Variants in THSD4 observed in about 807,000 individuals in gnomAD.
THSD4 encodes the protein thrombospondin type 1 domain containing 4.
THSD4 carries 69 observed loss-of-function variants against 119.0 expected under a neutral mutation model. The observed-to-expected ratio is 0.58, with a 90% CI of 0.48 to 0.71. The LOEUF (loss-of-function observed/expected upper bound fraction) is 0.71, where lower values mean the gene tolerates loss of function less well. Among genes scored for constraint, THSD4 ranks in the 30% least tolerant of loss-of-function variants. The pLI is 0.00. For missense variants in THSD4, 1,393 were observed against 1,391.1 expected (o/e 1.00, Z -0.02); for synonymous variants, 524 against 540.4 (o/e 0.97, Z 0.42).
intron 8 of THSD4, among the ~76,000 whole-genome samples, chr15:71,727,575 TATATATATATATACACACAC>T (rs1273113045): frequency 0.011 from 405 of 37,134 alleles, 1 homozygote; most frequent in African/African-American, 0.016. Flanking sequence ...TATATATATA[TATATATATATATACACACAC>T]ACACACACAC....
chr15:71,216,235 G>A (rs2140251206), intron 4 of THSD4, among the ~76,000 whole-genome samples: 1 of 152,354 alleles, frequency 6.6e-6, no homozygotes, highest in Middle Eastern at 3.4e-3. Flanking sequence ...AGTGTAAGAT[G>A]TGCTCTCTTT....
intron 7 of THSD4, among the ~76,000 whole-genome samples, chr15:71,557,356 T>C (rs1261969964): frequency 6.6e-6 from 1 of 152,176 alleles, no homozygotes; most frequent in African/African-American, 2.4e-5. Flanking sequence ...TTTCTATTTT[T>C]ATTAAATTAA....
chr15:71,133,500 G>C (rs750959503), intron 1 of THSD4, among the ~76,000 whole-genome samples: 1 of 152,176 alleles, frequency 6.6e-6, no homozygotes, highest in Non-Finnish European at 1.5e-5. Context: ...TGTTGTGAGG[G>C]AGGAAAGACA....
At chr15:71,520,361 T>C (rs553597286) in intron 7 of THSD4, among the ~76,000 whole-genome samples, 2 of 152,212 alleles carry the variant, frequency 1.3e-5, no homozygotes, top group African/African-American at 4.8e-5. Context: ...CTAGAGGAAG[T>C]TTCCCCATCA....
At chr15:71,314,457 C>G (rs921865319) in intron 6 of THSD4, among the ~76,000 whole-genome samples, 1 of 152,074 alleles carries the variant, frequency 6.6e-6, no homozygotes, top group Non-Finnish European at 1.5e-5. Context: ...CAGGTGCACA[C>G]TACCACGCGC....
chr15:71,771,290 C>A, intron 17 of THSD4, 82 bp downstream of exon 17: 23 of 1,539,746 alleles, frequency 1.5e-5, no homozygotes, highest in Non-Finnish European at 2.0e-5. Context: ...TAACAAGCCT[C>A]TTCTAGGTCT....
intron 6 of THSD4, among the ~76,000 whole-genome samples, chr15:71,336,218 G>C (rs193283260): frequency 1.3e-5 from 2 of 152,262 alleles, no homozygotes; most frequent in East Asian, 3.9e-4. Flanking sequence ...TCAACTTCTA[G>C]AATAAAAATG....
At chr15:71,663,105 A>G (rs1429872327) in intron 8 of THSD4, among the ~76,000 whole-genome samples, 1 of 152,110 alleles carries the variant, frequency 6.6e-6, no homozygotes, top group African/African-American at 2.4e-5. Context: ...TTTAAAAATC[A>G]GCCAGATGCG....
chr15:71,309,227 G>A (rs1209617239), intron 6 of THSD4, among the ~76,000 whole-genome samples: 3 of 152,146 alleles, frequency 2.0e-5, no homozygotes, highest in Non-Finnish European at 4.4e-5. Context: ...TAGGATTACA[G>A]GCATAAGACA....
chr15:71,406,745 T>A lies in THSD4; in HGVS notation c.1016-4942T>A, dbSNP rs554011573. Among the ~76,000 whole-genome samples, 930 of 151,456 alleles carry A rather than the reference T, an allele frequency of 6.1e-3. 7 individuals are homozygous for A. Among genetic ancestry groups the A allele is most frequent in the Admixed American group, 8.6e-3 (130 of 15,138 alleles). On this transcript the variant is annotated intron_variant, in intron 6 of 17. Coordinates refer to ENST00000261862, the MANE Select transcript of THSD4 (RefSeq NM_024817.3). ...CCCAGGCTGGAGTGCAGTGGCATGA[T>A]CTCGACTCACTGCAACCTCCGCCTC...
Position 71,389,142 on chromosome 15 carries a change from G to A in THSD4, c.1016-22545G>A, listed in dbSNP as rs574627087. On this transcript the variant is annotated intron_variant, in intron 6 of 17. Coordinates refer to ENST00000261862, the MANE Select transcript of THSD4 (RefSeq NM_024817.3). The stretch of plus-strand genomic sequence containing the variant: ...AAATTACCCAGTCTTTATCAGCAGC[G>A]TGAAAATGGATTAATCCACCATCTT... Among the ~76,000 whole-genome samples the A allele has an allele frequency of 8.0e-4, 122 of 152,206 alleles. 1 individual carries two copies. The highest frequency in any genetic ancestry group is 2.8e-3 in the African/African-American group (115 of 41,550).
chr15:71,412,422 C>G (rs1248590807), intron 7 of THSD4, among the ~76,000 whole-genome samples: 2 of 152,094 alleles, frequency 1.3e-5, no homozygotes, highest in Non-Finnish European at 2.9e-5. Flanking sequence ...ACAGAAAGCA[C>G]CATTTGGTTA....
chr15:71,452,446 G>A lies in THSD4; in HGVS notation c.1152+40623G>A, dbSNP rs184426565. Among the ~76,000 whole-genome samples, 131 of 149,886 alleles carry A rather than the reference G, an allele frequency of 8.7e-4. 1 individual carries two copies. The highest frequency in any genetic ancestry group is 3.0e-3 in the African/African-American group (123 of 40,576). On this transcript the variant is annotated intron_variant, in intron 7 of 17. Transcript: ENST00000261862. The stretch of plus-strand genomic sequence containing the variant: ...ACACTGGAAACTTTAGTCCCTCCGT[G>A]CCAGTCTCCCCTCCTCCCTCAGCTC...
chr15:71,453,819 G>A (rs554721548), intron 7 of THSD4, among the ~76,000 whole-genome samples: 19 of 152,284 alleles, frequency 1.2e-4, no homozygotes, highest in Admixed American at 1.1e-3. Context: ...CATCATAACC[G>A]CCTGCTGGCA....
In THSD4 at chr15:71,608,237, A is replaced by AAAAAAT. The variant is rs537013275; in HGVS notation, c.1153-52292_1153-52291insAAAATA. ...AACTCTGTCTCAAAAAAAAAAAAAA[A>AAAAAAT]ATATATATATATACACACACACACA... is the stretch of plus-strand genomic sequence containing the variant. On this transcript the variant is annotated intron_variant, in intron 7 of 17. Transcript: ENST00000261862. Among the ~76,000 whole-genome samples the AAAAAAT allele has an allele frequency of 9.0e-5, 10 of 111,592 alleles. 1 individual carries two copies. Among genetic ancestry groups the AAAAAAT allele is most frequent in the South Asian group, 7.0e-4 (2 of 2,858 alleles). The allele number at this position is 111,592 out of a possible 152,430, so 73.2% of individuals were successfully genotyped here. A position where few individuals can be genotyped will look rare whatever the true frequency, so the allele number is the denominator to read the frequency against.
At chr15:71,302,109 G>A (rs530182397) in intron 6 of THSD4, among the ~76,000 whole-genome samples, 2 of 152,200 alleles carry the variant, frequency 1.3e-5, no homozygotes, top group African/African-American at 4.8e-5. Flanking sequence ...ACCCAGAAAC[G>A]CATTCCACAT....
At position 71,249,249 on chromosome 15, in the gene THSD4, T is replaced by C. The variant is rs186514420; in HGVS notation, c.912+6153T>C. ...GTGTGCATATATATACACACAAATA[T>C]ATACACACGAGAATTGTTAACAGTT... On this transcript the variant is annotated intron_variant, in intron 5 of 17. Coordinates refer to ENST00000261862, the MANE Select transcript of THSD4 (RefSeq NM_024817.3). 7.8e-3 allele frequency among the ~76,000 whole-genome samples: 1,184 copies of C among 152,148 alleles called. 11 individuals carry two copies. The highest frequency in any genetic ancestry group is 0.018 in the South Asian group (88 of 4,812).
intron 7 of THSD4, among the ~76,000 whole-genome samples, chr15:71,447,296 T>A (rs1298999029): frequency 6.6e-6 from 1 of 151,854 alleles, no homozygotes; most frequent in Non-Finnish European, 1.5e-5. Context: ...AATTTTTGTA[T>A]TTTTAGTAGA....
At chr15:71,205,249 C>T (rs1016175826) in intron 3 of THSD4, among the ~76,000 whole-genome samples, 3 of 152,094 alleles carry the variant, frequency 2.0e-5, no homozygotes, top group East Asian at 1.9e-4. Context: ...GGCATGTCCA[C>T]GTGTTCAGGG....
Sources: allele counts gnomAD v4.1 joint callset (sites outside exome capture counted in the v4.1 genomes callset), GRCh38; gene constraint gnomAD v4.1.1; transcripts MANE v1.5; gene names NCBI Gene and HGNC (gene_info 2026-07-23, HGNC 2026-07-21).